NEXMIF: variants seen among roughly 807,000 people sequenced by gnomAD.
The protein encoded by NEXMIF is neurite extension and migration factor, also known as XLMR protein related to neurite extension.
Under a neutral mutation model 62.1 loss-of-function variants are expected in NEXMIF, and 8 were observed. That is an observed-to-expected ratio of 0.13 (90% CI 0.08 to 0.23). The LOEUF is 0.23. Among genes scored for constraint, NEXMIF ranks in the 10% least tolerant of loss-of-function variants. The pLI, the probability that NEXMIF is intolerant of heterozygous loss-of-function variation, is 1.00. For missense variants in NEXMIF, 976 were observed against 1,113.3 expected (o/e 0.88, Z 1.75); for synonymous variants, 404 against 416.6 (o/e 0.97, Z 0.37).
Position 74,736,193 on chromosome X carries a change from A to G in NEXMIF, c.*3212T>C, listed in dbSNP as rs2080084583. 9.0e-6 allele frequency: 1 copy of G among 111,631 alleles called. No individual in the cohort carries two copies. Among genetic ancestry groups the G allele is most frequent in the Admixed American group, 9.6e-5 (1 of 10,444 alleles). The allele number at this position is 111,631 out of a possible 1,213,427, so 9.2% of individuals were successfully genotyped here. On this transcript the variant is annotated 3_prime_UTR_variant, in exon 4 of 4. Transcript: ENST00000055682. Reference sequence around the variant, plus strand: ...CTCTATAAAAATTAAAAAAAATTTAATTAAAAAATTAGATTTGAAAATAGC... The same window carrying G: ...CTCTATAAAAATTAAAAAAAATTTAGTTAAAAAATTAGATTTGAAAATAGC...
intron 1 of NEXMIF, among the ~76,000 whole-genome samples, chrX:74,830,990 T>C (rs1346648517): frequency 1.8e-5 from 2 of 111,018 alleles, no homozygotes; most frequent in Non-Finnish European, 3.8e-5. Flanking sequence ...GATTATATCA[T>C]CTGCAAACAA....
At chrX:74,868,631 T>TG (rs1210731871) in intron 1 of NEXMIF, among the ~76,000 whole-genome samples, 4 of 47,266 alleles carry the variant, frequency 8.5e-5, no homozygotes, top group Admixed American at 2.7e-4. Context: ...TGTTGGGGGG[T>TG]GGGGGGGAAG....
intron 1 of NEXMIF, among the ~76,000 whole-genome samples, chrX:74,922,991 C>G (rs1190831916): frequency 2.7e-5 from 3 of 111,000 alleles, no homozygotes; most frequent in Non-Finnish European, 3.8e-5. Context: ...CCATGTGCAC[C>G]AAAAAATTAT....
chrX:74,773,908 C>CAA (rs61514458), intron 1 of NEXMIF, among the ~76,000 whole-genome samples: 5 of 38,077 alleles, frequency 1.3e-4, no homozygotes, highest in Non-Finnish European at 1.7e-4. Flanking sequence ...GACTCCGTCT[C>CAA]AAAAAAAAAA....
At chrX:74,837,380 C>T (rs1001878806) in intron 1 of NEXMIF, among the ~76,000 whole-genome samples, 3 of 111,568 alleles carry the variant, frequency 2.7e-5, no homozygotes, top group African/African-American at 9.8e-5. Context: ...CTTGTTCTGC[C>T]CCTCCCAATA....
At chrX:74,833,444 C>G (rs1194945784) in intron 1 of NEXMIF, among the ~76,000 whole-genome samples, 1 of 111,320 alleles carries the variant, frequency 9.0e-6, no homozygotes, top group African/African-American at 3.3e-5. Flanking sequence ...TTTTTCATCC[C>G]TTTATTTTCA....
intron 1 of NEXMIF, among the ~76,000 whole-genome samples, chrX:74,754,443 A>C (rs1195602063): frequency 1.9e-5 from 2 of 106,034 alleles, no homozygotes; most frequent in Non-Finnish European, 3.9e-5. Flanking sequence ...TGAGTAACTG[A>C]GATTACAGGC....
intron 1 of NEXMIF, among the ~76,000 whole-genome samples, chrX:74,889,979 TCA>T (rs1254732462): frequency 1.9e-5 from 2 of 103,263 alleles, no homozygotes; most frequent in Non-Finnish European, 3.9e-5. Flanking sequence ...TCTCTCTCTC[TCA>T]TTCTCTCTCA....
At chrX:74,872,958 T>C (rs2080609266) in intron 1 of NEXMIF, among the ~76,000 whole-genome samples, 1 of 110,607 alleles carries the variant, frequency 9.0e-6, no homozygotes, top group African/African-American at 3.3e-5. Context: ...TTTTTATTTT[T>C]TTTAAAATTG....
intron 1 of NEXMIF, among the ~76,000 whole-genome samples, chrX:74,767,244 G>A (rs764648612): frequency 1.8e-5 from 2 of 112,238 alleles, no homozygotes; most frequent in Non-Finnish European, 3.8e-5. Flanking sequence ...CCATATAACA[G>A]TCTGGCCACT....
At chrX:74,821,230 CCTTTT>C (rs764251700) in intron 1 of NEXMIF, among the ~76,000 whole-genome samples, 12 of 110,778 alleles carry the variant, frequency 1.1e-4, no homozygotes, top group Admixed American at 4.8e-4. Flanking sequence ...TCTCTCTCAC[CCTTTT>C]CTTTTTCTTC....
intron 1 of NEXMIF, among the ~76,000 whole-genome samples, chrX:74,803,841 A>C (rs1054041503): frequency 7.2e-5 from 8 of 111,029 alleles, no homozygotes; most frequent in Non-Finnish European, 1.3e-4. Flanking sequence ...GGAGAAATAA[A>C]GACTTTCCAG....
chrX:74,907,953 C>T (rs2080774673), intron 1 of NEXMIF, among the ~76,000 whole-genome samples: 1 of 111,346 alleles, frequency 9.0e-6, no homozygotes, highest in South Asian at 3.9e-4. Flanking sequence ...TGAGCACACC[C>T]TCTACCTGAG....
intron 1 of NEXMIF, among the ~76,000 whole-genome samples, chrX:74,837,653 T>C (rs1321816369): frequency 8.9e-6 from 1 of 111,951 alleles, no homozygotes; most frequent in Non-Finnish European, 1.9e-5. Context: ...CAAGATTCTT[T>C]GTCATCTACA....
intron 1 of NEXMIF, among the ~76,000 whole-genome samples, chrX:74,794,981 C>G (rs745611538): frequency 8.9e-6 from 1 of 111,831 alleles, no homozygotes; most frequent in Non-Finnish European, 1.9e-5. Flanking sequence ...TGTTCCTATT[C>G]GGCCATCTTG....
intron 1 of NEXMIF, among the ~76,000 whole-genome samples, chrX:74,824,403 A>G (rs2080407733): frequency 1.8e-5 from 2 of 111,807 alleles, no homozygotes; most frequent in African/African-American, 6.5e-5. Context: ...TTCACTTAGC[A>G]TAACTCCAGG....
chrX:74,751,762 T>C (rs1602215981), intron 1 of NEXMIF, among the ~76,000 whole-genome samples: 1 of 88,500 alleles, frequency 1.1e-5, no homozygotes, highest in Non-Finnish European at 2.2e-5. Flanking sequence ...TTCCTTCCCT[T>C]CCTCTTCTTT....
In NEXMIF at chrX:74,855,859, T is replaced by C. The variant is rs367952120; in HGVS notation, c.-48+69024A>G. 3.8e-4 allele frequency among the ~76,000 whole-genome samples: 43 copies of C among 112,385 alleles called. 1 individual carries two copies. The South Asian group carries it at 0.016, about 41-fold the overall frequency. On this transcript the variant is annotated intron_variant, in intron 1 of 3. Coordinates refer to ENST00000055682, the MANE Select transcript of NEXMIF (RefSeq NM_001008537.3). ...CCAAGCAAAGATTTCAGTGGACACA[T>C]ATGACAAAAGAATACAGACTTTACA...
intron 1 of NEXMIF, among the ~76,000 whole-genome samples, chrX:74,845,837 T>C (rs1329847805): frequency 9.0e-6 from 1 of 110,577 alleles, no homozygotes; most frequent in African/African-American, 3.3e-5. Context: ...GCCCTAATTA[T>C]AACCTCTCTT....
Sources: gnomAD v4.1 joint callset for allele counts (sites outside exome capture counted in the v4.1 genomes callset) on GRCh38, gnomAD v4.1.1 for gene constraint, MANE v1.5 for transcripts, NCBI Gene and HGNC (gene_info 2026-07-23, HGNC 2026-07-21) for gene names.